PCDH9: variants seen among roughly 807,000 people sequenced by gnomAD.
PCDH9 encodes the protein protocadherin-9.
A neutral mutation model predicts 70.6 loss-of-function variants in PCDH9; 24 were observed. The observed-to-expected ratio is 0.34, with a 90% CI of 0.25 to 0.48. The LOEUF (loss-of-function observed/expected upper bound fraction) is 0.48, where lower values mean the gene tolerates loss of function less well. Ranked by LOEUF, PCDH9 falls within the 20% of genes least tolerant of loss-of-function variation. The probability of loss-of-function intolerance (pLI) is 0.99; values close to 1 mark genes in which losing one functional copy is unlikely to be tolerated. For missense variants in PCDH9, 1,281 were observed against 1,503.6 expected, an observed-to-expected ratio of 0.85 and a Z score of 2.45; for synonymous variants, 562 against 558.5, an observed-to-expected ratio of 1.01 and a Z score of -0.09.
chr13:66,458,585 T>A (rs1958364403), intron 4 of PCDH9, among the ~76,000 whole-genome samples: 1 of 152,032 alleles, frequency 6.6e-6, no homozygotes, highest in Non-Finnish European at 1.5e-5. Flanking sequence ...GTTTAAGTTA[T>A]CCATACCTAC....
At chr13:66,954,295 A>G (rs2083232547) in intron 2 of PCDH9, among the ~76,000 whole-genome samples, 1 of 152,234 alleles carries the variant, frequency 6.6e-6, no homozygotes, top group Non-Finnish European at 1.5e-5. Context: ...GTACTTATAT[A>G]ATCTCACAAC....
At chr13:66,993,391 T>C (rs906575689) in intron 2 of PCDH9, among the ~76,000 whole-genome samples, 2 of 152,124 alleles carry the variant, frequency 1.3e-5, no homozygotes, top group African/African-American at 4.8e-5. Flanking sequence ...GAGTAATCAT[T>C]TCAGAAAGCA....
chr13:66,645,589 G>C (rs962779312), intron 3 of PCDH9, among the ~76,000 whole-genome samples: 2 of 152,178 alleles, frequency 1.3e-5, no homozygotes, highest in South Asian at 2.1e-4. Context: ...CGTGGAAAAT[G>C]CCTGCTAAAA....
Position 66,453,243 on chromosome 13 carries a change from A to T in PCDH9, c.3341-148215T>A, listed in dbSNP as rs1164128998. Among the ~76,000 whole-genome samples the T allele has an allele frequency of 2.6e-5, 4 of 152,202 alleles. No individual in the cohort carries two copies. In the East Asian group the frequency reaches 5.8e-4, roughly 22 times the overall value. ...GGTGACATGTAAGGTAAATCTCAGA[A>T]TTTCCTTTTCTTTGATCTCTAACTA... On this transcript the variant is annotated intron_variant, in intron 4 of 4. Transcript: ENST00000377865.
chr13:66,329,940 C>T (rs1269337310), intron 4 of PCDH9, among the ~76,000 whole-genome samples: 1 of 152,090 alleles, frequency 6.6e-6, no homozygotes, highest in Non-Finnish European at 1.5e-5. Flanking sequence ...CATAACTTTG[C>T]AATAGCTACA....
intron 2 of PCDH9, among the ~76,000 whole-genome samples, chr13:67,167,770 C>T (rs1402776540): frequency 2.6e-5 from 4 of 152,020 alleles, no homozygotes; most frequent in African/African-American, 4.8e-5. Context: ...ATGATTCCAC[C>T]GTGGAACTAA....
intron 3 of PCDH9, among the ~76,000 whole-genome samples, chr13:66,835,033 A>C (rs2139416438): frequency 6.6e-6 from 1 of 152,360 alleles, no homozygotes; most frequent in East Asian, 1.9e-4. Context: ...GTTTATTTAC[A>C]TATGCAGGCT....
At chr13:66,741,831 G>T (rs1451067106) in intron 3 of PCDH9, among the ~76,000 whole-genome samples, 14 of 97,224 alleles carry the variant, frequency 1.4e-4, no homozygotes, top group Admixed American at 5.0e-4. Flanking sequence ...CACTGCTCAC[G>T]GAAATAAAAG....
At chr13:67,214,312 A>C (rs2089539538) in intron 2 of PCDH9, 1 of 152,200 alleles carries the variant, frequency 6.6e-6, no homozygotes, top group African/African-American at 2.4e-5. Context: ...AGCTGGTTTG[A>C]TTACACCATG....
intron 4 of PCDH9, among the ~76,000 whole-genome samples, chr13:66,420,195 G>C (rs267322): frequency 0.96 from 146,299 of 152,222 alleles, 70,541 homozygotes; most frequent in East Asian, 1. Flanking sequence ...AGATAAAACT[G>C]CCATCTCCCT....
chr13:66,653,837 G>A (rs1173607633), intron 3 of PCDH9, among the ~76,000 whole-genome samples: 1 of 151,818 alleles, frequency 6.6e-6, no homozygotes, highest in Non-Finnish European at 1.5e-5. Flanking sequence ...GCGTGGTGGC[G>A]GGCTCCTGTA....
chr13:66,779,861 A>ATG, intron 3 of PCDH9, among the ~76,000 whole-genome samples: 1 of 61,598 alleles, frequency 1.6e-5, no homozygotes, highest in East Asian at 4.9e-4. Context: ...ATATATATAT[A>ATG]TATATACATA....
intron 2 of PCDH9, among the ~76,000 whole-genome samples, chr13:66,967,244 A>C (rs2083446348): frequency 6.6e-6 from 1 of 152,102 alleles, no homozygotes; most frequent in African/African-American, 2.4e-5. Context: ...TCTTATATAT[A>C]TGTATGCTCA....
chr13:66,828,577 G>C (rs2080865163), intron 3 of PCDH9, among the ~76,000 whole-genome samples: 1 of 152,024 alleles, frequency 6.6e-6, no homozygotes, highest in Non-Finnish European at 1.5e-5. Flanking sequence ...TTTTTTAAAA[G>C]TCTATCAGAC....
At position 66,764,264 on chromosome 13, in the gene PCDH9, AC is replaced by A. The variant is rs1168155422; in HGVS notation, c.3139-132854del. On this transcript the variant is annotated intron_variant, in intron 3 of 4. Transcript: ENST00000377865. ...CATGTATGCACTGAAAAAAAAAAAA[AC>A]CGAAAACTTTAATTCTCATTCTGTC... Among the ~76,000 whole-genome samples, 6 of 148,672 alleles carry A rather than the reference AC, an allele frequency of 4.0e-5. No individual in the cohort carries two copies. The East Asian group carries it at 8.0e-4, about 20-fold the overall frequency.
chr13:66,594,735 A>T (rs1424638594), intron 4 of PCDH9, among the ~76,000 whole-genome samples: 6 of 151,466 alleles, frequency 4.0e-5, no homozygotes, highest in Non-Finnish European at 8.9e-5. Flanking sequence ...CCAACTTATA[A>T]ATGAGAACAT....
intron 2 of PCDH9, among the ~76,000 whole-genome samples, chr13:67,093,236 C>T (rs1035137696): frequency 7.2e-5 from 11 of 152,290 alleles, no homozygotes; most frequent in Non-Finnish European, 5.9e-5. Context: ...CAGCGAATCA[C>T]CTGAGGTCAG....
intron 3 of PCDH9, among the ~76,000 whole-genome samples, chr13:66,806,602 T>C (rs2139351526): frequency 6.6e-6 from 1 of 152,318 alleles, no homozygotes; most frequent in East Asian, 1.9e-4. Context: ...AAGGAGCTAG[T>C]ATAACGATTA....
intron 4 of PCDH9, among the ~76,000 whole-genome samples, chr13:66,444,585 C>T (rs188994348): frequency 5.1e-4 from 77 of 152,056 alleles, no homozygotes; most frequent in African/African-American, 1.8e-3. Context: ...CAGAGTCTCA[C>T]TCTGTTGCTC....
Sources: allele counts gnomAD v4.1 joint callset (sites outside exome capture counted in the v4.1 genomes callset), GRCh38; gene constraint gnomAD v4.1.1; transcripts MANE v1.5; gene names NCBI Gene and HGNC (gene_info 2026-07-23, HGNC 2026-07-21).